The following KAZN variants were observed in gnomAD, a reference collection of about 807,000 sequenced individuals.
KAZN encodes the protein kazrin.
Under a neutral mutation model 87.4 loss-of-function variants are expected in KAZN, and 40 were observed. The ratio of observed to expected loss-of-function variants is 0.46; its 90% CI spans 0.36 to 0.60. The LOEUF is 0.60. Ranked by LOEUF, KAZN falls within the 20% of genes least tolerant of loss-of-function variation. The pLI is 0.00. For missense variants in KAZN, 898 were observed against 1,073.9 expected, an observed-to-expected ratio of 0.84 and a Z score of 2.29; for synonymous variants, 466 against 458.3, an observed-to-expected ratio of 1.02 and a Z score of -0.22.
At chr1:13,934,435 G>A (rs1640645505) in intron 1 of KAZN, among the ~76,000 whole-genome samples, 2 of 152,186 alleles carry the variant, frequency 1.3e-5, no homozygotes, top group African/African-American at 4.8e-5. Context: ...TAATGTCATT[G>A]TGCTTTTGTC....
intron 1 of KAZN, among the ~76,000 whole-genome samples, chr1:14,933,099 C>A (rs1442519436): frequency 1.3e-5 from 2 of 152,124 alleles, no homozygotes; most frequent in Admixed American, 1.3e-4. Context: ...CTATTTATTT[C>A]TTTATTTATG....
intron 1 of KAZN, among the ~76,000 whole-genome samples, chr1:14,919,481 G>T (rs534615072): frequency 5.1e-4 from 78 of 152,256 alleles, no homozygotes; most frequent in African/African-American, 1.7e-3. Context: ...CCCTCCCGAG[G>T]CACTTTTTCA....
chr1:13,900,848 T>C (rs1192199464), intron 1 of KAZN, among the ~76,000 whole-genome samples: 2 of 152,150 alleles, frequency 1.3e-5, no homozygotes, highest in Admixed American at 1.3e-4. Flanking sequence ...GTGTAAAATG[T>C]TTTTCACAGT....
At chr1:15,112,111 A>C in intron 13 of KAZN, 1 of 398,686 alleles carries the variant, frequency 2.5e-6, no homozygotes, top group Non-Finnish European at 4.6e-6. Flanking sequence ...AAGACTTTGG[A>C]GTGTCAGAAG....
At position 14,969,587 on chromosome 1, in the gene KAZN, T is replaced by G. The variant is rs111692733; in HGVS notation, c.418+8712T>G. Among the ~76,000 whole-genome samples the G allele has an allele frequency of 1.7e-3, 252 of 152,302 alleles. 1 individual carries two copies. Among genetic ancestry groups the G allele is most frequent in the African/African-American group, 5.9e-3 (244 of 41,566 alleles). On this transcript the variant is annotated intron_variant, in intron 2 of 14. Coordinates refer to ENST00000376030, the MANE Select transcript of KAZN (RefSeq NM_201628.3). ...TCTTCCTTACATACTACCGGCTGCT[T>G]TTAAATATTGTTAACAGATCCCCCT...
At chr1:14,828,954 A>G (rs1346977675) in intron 1 of KAZN, among the ~76,000 whole-genome samples, 1 of 152,234 alleles carries the variant, frequency 6.6e-6, no homozygotes, top group Non-Finnish European at 1.5e-5. Flanking sequence ...AGAGACTTCT[A>G]CTTAAGTCTC....
chr1:15,052,793 C>A (rs1321293537), intron 4 of KAZN, among the ~76,000 whole-genome samples: 2 of 152,102 alleles, frequency 1.3e-5, no homozygotes, highest in Non-Finnish European at 2.9e-5. Flanking sequence ...GTACAGCCAC[C>A]CCATTCTGAA....
At chr1:15,034,262 A>G (rs577019715) in intron 2 of KAZN, among the ~76,000 whole-genome samples, 13 of 152,266 alleles carry the variant, frequency 8.5e-5, no homozygotes, top group East Asian at 3.9e-4. Context: ...CACTTTTGGT[A>G]TATGTCTTAG....
At chr1:14,428,434 G>C (rs1172086485) in intron 2 of KAZN, among the ~76,000 whole-genome samples, 1 of 152,094 alleles carries the variant, frequency 6.6e-6, no homozygotes, top group African/African-American at 2.4e-5. Context: ...ATAAAAAATA[G>C]ATATATTCAA....
At chr1:14,581,575 C>G (rs1366786967) in intron 2 of KAZN, among the ~76,000 whole-genome samples, 1 of 152,178 alleles carries the variant, frequency 6.6e-6, no homozygotes, top group Non-Finnish European at 1.5e-5. Flanking sequence ...CTACTCAACA[C>G]CGGTCAGTGT....
intron 1 of KAZN, among the ~76,000 whole-genome samples, chr1:13,989,045 C>T (rs1216123751): frequency 2.0e-5 from 3 of 152,080 alleles, no homozygotes; most frequent in African/African-American, 7.2e-5. Context: ...TGATGAGGGC[C>T]TTCTTGTTGT....
intron 1 of KAZN, among the ~76,000 whole-genome samples, chr1:14,919,915 A>T (rs1323904836): frequency 1.3e-5 from 2 of 152,188 alleles, no homozygotes; most frequent in East Asian, 3.9e-4. Context: ...TGTAGTAGCT[A>T]TCTCGTGTAG....
intron 1 of KAZN, among the ~76,000 whole-genome samples, chr1:14,632,053 A>G (rs1051243874): frequency 6.6e-6 from 1 of 152,212 alleles, no homozygotes; most frequent in African/African-American, 2.4e-5. Context: ...TTTAAAAAGC[A>G]GGAAAGGGAA....
At chr1:15,063,660 C>T (rs1163358331) in intron 7 of KAZN, 38 bp downstream of exon 7, 29 of 1,519,472 alleles carry the variant, frequency 1.9e-5, no homozygotes, top group Non-Finnish European at 2.6e-5. Context: ...ACCCTCCCTC[C>T]ACCCCACCTT....
rs182398878 is a variant in KAZN, at chr1:14,856,578, T to G, written c.227-104106T>G. On this transcript the variant is annotated intron_variant, in intron 1 of 14. Transcript: ENST00000376030. The surrounding 1 kb of genome is among the most constrained non-coding windows in gnomAD (Gnocchi z 5.2). ...TTCATTAGTATAAAACATTCCATAT[T>G]TTATTTCTATTTTGGTAGCTCAACA... 3.9e-5 allele frequency among the ~76,000 whole-genome samples: 6 copies of G among 152,238 alleles called. No individual in the cohort carries two copies. The highest frequency in any genetic ancestry group is 1.2e-4 in the African/African-American group (5 of 41,470).
chr1:14,742,520 G>C (rs755832930), intron 1 of KAZN, among the ~76,000 whole-genome samples: 1 of 152,114 alleles, frequency 6.6e-6, no homozygotes, highest in African/African-American at 2.4e-5. Flanking sequence ...AAAAACCAAT[G>C]AGTCAGTTCA....
chr1:14,288,619 C>A (rs747970405), intron 2 of KAZN, among the ~76,000 whole-genome samples: 2 of 152,010 alleles, frequency 1.3e-5, no homozygotes, highest in African/African-American at 2.4e-5. Context: ...TTCATCTTTT[C>A]AAAAAACCAG....
intron 1 of KAZN, among the ~76,000 whole-genome samples, chr1:14,894,520 G>T (rs1405452605): frequency 1.3e-5 from 2 of 152,208 alleles, no homozygotes; most frequent in Non-Finnish European, 2.9e-5. Context: ...CGTGACACTT[G>T]CCCTGCAGGC....
chr1:14,548,327 T>C (rs1014053198), intron 2 of KAZN, among the ~76,000 whole-genome samples: 1 of 151,766 alleles, frequency 6.6e-6, no homozygotes, highest in African/African-American at 2.4e-5. Context: ...GCCTCCCAAG[T>C]AGCTGGGACT....
Sources: allele counts gnomAD v4.1 joint callset (sites outside exome capture counted in the v4.1 genomes callset), GRCh38; gene constraint gnomAD v4.1.1; non-coding constraint Gnocchi (gnomAD v3.1); transcripts MANE v1.5; gene names NCBI Gene and HGNC (gene_info 2026-07-23, HGNC 2026-07-21).